Variants in PPFIA1 observed in about 807,000 individuals in gnomAD.
The protein encoded by PPFIA1 is PPFI scaffold protein A1.
PPFIA1 carries 25 observed loss-of-function variants against 149.9 expected under a neutral mutation model. The ratio of observed to expected loss-of-function variants is 0.17; its 90% confidence interval spans 0.12 to 0.23. PPFIA1 has a LOEUF of 0.23. Among genes scored for constraint, PPFIA1 ranks in the 10% least tolerant of loss-of-function variants. PPFIA1 has a pLI of 1.00. For missense variants in PPFIA1, 1,362 were observed against 1,506.5 expected, an observed-to-expected ratio of 0.90 and a Z score of 1.59; for synonymous variants, 549 against 552.8, an observed-to-expected ratio of 0.99 and a Z score of 0.10.
chr11:70,321,606 G>A (rs1175913650), intron 2 of PPFIA1, among the ~76,000 whole-genome samples: 1 of 152,030 alleles, frequency 6.6e-6, no homozygotes, highest in African/African-American at 2.4e-5. Context: ...AGAGTAAGAA[G>A]ATATGACCCA....
chr11:70,285,828 G>T (rs1408821759), intron 2 of PPFIA1, among the ~76,000 whole-genome samples: 1 of 152,030 alleles, frequency 6.6e-6, no homozygotes, highest in Non-Finnish European at 1.5e-5. Context: ...ATGTATTCAG[G>T]TATTTTGAGT....
rs79755031 is a variant in PPFIA1, at chr11:70,381,999, A to G, written c.3551-89A>G. On this transcript the variant is annotated intron_variant, in intron 26 of 27. Transcript: ENST00000253925. ...TCCGTAGGCACTGCTGTAGGTGTGAAGATGTGTGTCTACTTGTGCCCTCAT... is the reference window on the plus strand; with the variant it reads ...TCCGTAGGCACTGCTGTAGGTGTGAGGATGTGTGTCTACTTGTGCCCTCAT... 1,347 of 1,137,138 alleles carry G rather than the reference A, an allele frequency of 1.2e-3. 15 individuals carry two copies. In the East Asian group the frequency reaches 0.019, roughly 16 times the overall value. 70.4% of individuals were successfully genotyped at this position (1,137,138 alleles called of 1,614,324 possible).
chr11:70,353,079 T>C (rs1478961324), intron 16 of PPFIA1, among the ~76,000 whole-genome samples: 1 of 152,220 alleles, frequency 6.6e-6, no homozygotes. Flanking sequence ...AGGATTCATT[T>C]GCATTTTAAC....
At chr11:70,322,142 C>G (rs6592534) in intron 2 of PPFIA1, among the ~76,000 whole-genome samples, 34,255 of 152,120 alleles carry the variant, frequency 0.23, 5,961 homozygotes, top group African/African-American at 0.48. Context: ...GCCTCCCAAA[C>G]TGTTGGGATT....
At chr11:70,302,201 G>A (rs2052530020) in intron 2 of PPFIA1, among the ~76,000 whole-genome samples, 1 of 152,250 alleles carries the variant, frequency 6.6e-6, no homozygotes. Context: ...TCAGCATCAA[G>A]GGGATCGTGG....
intron 2 of PPFIA1, among the ~76,000 whole-genome samples, chr11:70,295,825 G>A (rs1361765362): frequency 2.0e-5 from 3 of 151,570 alleles, no homozygotes; most frequent in Admixed American, 1.3e-4. Context: ...GCTGGGCGGA[G>A]ACGCTCCTCA....
chr11:70,302,267 C>A (rs879515020), intron 2 of PPFIA1, among the ~76,000 whole-genome samples: 3 of 152,138 alleles, frequency 2.0e-5, no homozygotes. Context: ...CCAGCAGCTT[C>A]GTAGGGTGGG....
At chr11:70,315,399 C>T (rs560528508) in intron 2 of PPFIA1, among the ~76,000 whole-genome samples, 53 of 152,242 alleles carry the variant, frequency 3.5e-4, no homozygotes, top group Non-Finnish European at 6.3e-4. Flanking sequence ...TATGGACTGA[C>T]GGGCAGATAG....
Position 70,362,189 on chromosome 11 carries a change from T to G in PPFIA1, c.2664+13T>G. On this transcript the variant is annotated intron_variant, in intron 20 of 27. Transcript: ENST00000253925. ...GGTCTGGCTAGAGGTACATCCTTCA[T>G]TTAACATGCAGTTGCGTGGGTTACA... 1 of 1,614,052 alleles carries G rather than the reference T, an allele frequency of 6.2e-7. No individual in the cohort carries two copies. Among genetic ancestry groups the G allele is most frequent in the Non-Finnish European group, 8.5e-7 (1 of 1,179,884 alleles).
intron 15 of PPFIA1, among the ~76,000 whole-genome samples, chr11:70,345,037 CCTTGCATTGTGATGCAAGCAGCCCGT>C (rs2055602720): frequency 2.0e-5 from 3 of 150,736 alleles, no homozygotes; most frequent in Non-Finnish European, 3.0e-5. Context: ...GCTCTAGGGT[CCTTGCATTGTGATGCAAGCAGCCCGT>C]ACTCTAGGAG....
chr11:70,323,892 G>A lies in PPFIA1; in HGVS notation c.265-510G>A, dbSNP rs142451737. 3.6e-3 allele frequency among the ~76,000 whole-genome samples: 555 copies of A among 152,264 alleles called. 2 individuals carry two copies. Among genetic ancestry groups the A allele is most frequent in the Non-Finnish European group, 5.9e-3 (403 of 68,022 alleles). On this transcript the variant is annotated intron_variant, in intron 2 of 27. Coordinates refer to ENST00000253925, the MANE Select transcript of PPFIA1 (RefSeq NM_003626.5). ...TTGGGAGGGTCACTTGAGCTCTGGA[G>A]GTCAAAACTGCAGTGAGCCATGGTC...
chr11:70,297,966 C>G (rs563563029), intron 2 of PPFIA1, among the ~76,000 whole-genome samples: 12 of 152,158 alleles, frequency 7.9e-5, no homozygotes, highest in Non-Finnish European at 1.5e-4. Flanking sequence ...AGCTGTGCCT[C>G]GAGATCTGAA....
At chr11:70,362,594 A>G (rs897012292) in intron 21 of PPFIA1, 106 bp downstream of exon 21, 1 of 1,193,314 alleles carries the variant, frequency 8.4e-7, no homozygotes, top group Non-Finnish European at 1.1e-6. Context: ...CAGCATATGA[A>G]GTATAGTTCT....
intron 2 of PPFIA1, among the ~76,000 whole-genome samples, chr11:70,320,461 C>T (rs1462764327): frequency 1.5e-5 from 2 of 133,136 alleles, no homozygotes; most frequent in East Asian, 2.2e-4. Context: ...TTTTTTGAGA[C>T]GCTCTCGTCA....
chr11:70,380,587 T>C (rs577127419), intron 26 of PPFIA1, among the ~76,000 whole-genome samples: 3 of 148,062 alleles, frequency 2.0e-5, no homozygotes, highest in Admixed American at 6.7e-5. Context: ...AAGAAAAAAT[T>C]TGCCAGGCAT....
chr11:70,351,622 T>G (rs114628177), intron 16 of PPFIA1, among the ~76,000 whole-genome samples: 1,533 of 152,300 alleles, frequency 0.01, 26 homozygotes, highest in African/African-American at 0.035. Context: ...AAATTATAGA[T>G]TTTGGAGCAT....
At position 70,375,303 on chromosome 11, in the gene PPFIA1, C is replaced by T. The variant is rs540660389; in HGVS notation, c.3315+210C>T. 2.7e-4 allele frequency: 101 copies of T among 374,152 alleles called. 1 individual carries two copies. The highest frequency in any genetic ancestry group is 1.5e-3 in the South Asian group (14 of 9,464). 23.2% of individuals were successfully genotyped at this position (374,152 alleles called of 1,614,324 possible). ...AGTCCTGCAATAAACCAGATAAGGA[C>T]GATCTTTCATTCCAGCCCATGTGCC... On this transcript the variant is annotated intron_variant, in intron 24 of 27. Coordinates refer to ENST00000253925, the MANE Select transcript of PPFIA1 (RefSeq NM_003626.5).
chr11:70,333,843 G>C (rs2054814609), intron 10 of PPFIA1, among the ~76,000 whole-genome samples: 1 of 152,180 alleles, frequency 6.6e-6, no homozygotes, highest in Non-Finnish European at 1.5e-5. Context: ...CCTATCAGGG[G>C]AACTGTTCTA....
At chr11:70,333,874 G>C (rs2136976575) in intron 10 of PPFIA1, among the ~76,000 whole-genome samples, 1 of 152,228 alleles carries the variant, frequency 6.6e-6, no homozygotes, top group South Asian at 2.1e-4. Flanking sequence ...GTACCGGCGT[G>C]GCCCCCCTAC....
Sources: gnomAD v4.1 joint callset for allele counts (sites outside exome capture counted in the v4.1 genomes callset) on GRCh38, gnomAD v4.1.1 for gene constraint, MANE v1.5 for transcripts, NCBI Gene and HGNC (gene_info 2026-07-23, HGNC 2026-07-21) for gene names.